The following PCDHGB7 variants were observed in gnomAD, a reference collection of about 807,000 sequenced individuals.
PCDHGB7 encodes the protein protocadherin gamma subfamily B, 7.
In PCDHGB7, 37 loss-of-function variants were observed where a neutral mutation model predicts 61.4. That is an observed-to-expected ratio of 0.60 (90% CI 0.46 to 0.79). PCDHGB7 has a LOEUF of 0.79. Ranked by LOEUF, PCDHGB7 falls within the 30% of genes least tolerant of loss-of-function variation. The probability of loss-of-function intolerance (pLI) is 0.00; values close to 1 mark genes in which losing one functional copy is unlikely to be tolerated. For synonymous variants in PCDHGB7, 464 were observed against 503.5 expected, an observed-to-expected ratio of 0.92 and a Z score of 1.05; for missense variants, 1,166 against 1,202.5, an observed-to-expected ratio of 0.97 and a Z score of 0.45.
chr5:141,498,805 C>T (rs1397026274), intron 2 of PCDHGB7, among the ~76,000 whole-genome samples: 1 of 152,000 alleles, frequency 6.6e-6, no homozygotes, highest in Non-Finnish European at 1.5e-5. Flanking sequence ...TGGTGGTGCA[C>T]ACCTGTAGTC....
intron 1 of PCDHGB7, among the ~76,000 whole-genome samples, chr5:141,454,596 G>C (rs1184158084): frequency 1.3e-5 from 2 of 151,324 alleles, no homozygotes; most frequent in Non-Finnish European, 2.9e-5. Flanking sequence ...AGTAGAGACA[G>C]GGTTTCTCCA....
intron 1 of PCDHGB7, among the ~76,000 whole-genome samples, chr5:141,475,341 C>T (rs1306106224): frequency 6.6e-6 from 1 of 152,162 alleles, no homozygotes; most frequent in Non-Finnish European, 1.5e-5. Context: ...CAATGACATC[C>T]AGTTTTAAAA....
intron 1 of PCDHGB7, among the ~76,000 whole-genome samples, chr5:141,470,664 G>A (rs1308061207): frequency 6.6e-6 from 1 of 151,882 alleles, no homozygotes; most frequent in Non-Finnish European, 1.5e-5. Context: ...CTTTGGTTAG[G>A]GCTCTGCTGT....
At position 141,419,701 on chromosome 5, in the gene PCDHGB7, C is replaced by T. The variant is rs1268060859; in HGVS notation, c.1842C>T (p.Pro614=). Residue 614 remains proline, a synonymous_variant, in exon 1 of 4, where the codon CCC becomes CCT. Transcript: ENST00000398594. ...ACCACGTGGTGCAGGCCAGTGAGCCCGGGCTCTTCAGCCTGGGGCTGCGAA... is the reference window on the plus strand; with the variant it reads ...ACCACGTGGTGCAGGCCAGTGAGCCTGGGCTCTTCAGCCTGGGGCTGCGAA... ...LSYHVVQASE[P]GLFSLGLRTG... 4.3e-6 allele frequency: 7 copies of T among 1,612,860 alleles called. No homozygotes were observed. Among genetic ancestry groups the T allele is most frequent in the Non-Finnish European group, 5.9e-6 (7 of 1,179,506 alleles).
Position 141,491,636 on chromosome 5 carries a change from C to T in PCDHGB7, c.2416-3171C>T. ...AGACCCCTCAGCGTTCAGCAGCCCA[C>T]AGCTCTGGCGCTGGAGCCTGACGCC... On this transcript the variant is annotated intron_variant, in intron 1 of 3. Coordinates refer to ENST00000398594, the MANE Select transcript of PCDHGB7 (RefSeq NM_018927.4). This position sits in a 1 kb window ranked among gnomAD's most constrained non-coding sequence, Gnocchi z 6.9. 6.2e-7 allele frequency: 1 copy of T among 1,613,922 alleles called. No homozygotes were observed. Among genetic ancestry groups the T allele is most frequent in the Non-Finnish European group, 8.5e-7 (1 of 1,180,020 alleles).
rs139156138 is a variant in PCDHGB7 at position 141,472,179 on chromosome 5, T to C, written c.2416-22628T>C. 5.1e-4 allele frequency among the ~76,000 whole-genome samples: 77 copies of C among 152,246 alleles called. 4 individuals are homozygous for C. The East Asian group carries it at 0.014, about 27-fold the overall frequency. On this transcript the variant is annotated intron_variant, in intron 1 of 3. Coordinates refer to ENST00000398594, the MANE Select transcript of PCDHGB7 (RefSeq NM_018927.4). ...TAGCTACTAGGTGTAATATCCAGTATTGGAATTTGAATCTTTTTGACACTA... is the reference window on the plus strand; with the variant it reads ...TAGCTACTAGGTGTAATATCCAGTACTGGAATTTGAATCTTTTTGACACTA...
chr5:141,423,864 G>A (rs180692491), intron 1 of PCDHGB7: 551 of 1,284,224 alleles, frequency 4.3e-4, no homozygotes, highest in Non-Finnish European at 5.0e-4. Context: ...TTTTGTGAAA[G>A]TCATTTTTCA....
rs750200042 is a variant in PCDHGB7, at chr5:141,418,821, C to A, written c.962C>A (p.Ala321Glu). Residue 321 changes from alanine (A) to glutamate (E), a missense_variant, in exon 1 of 4, where the codon GCA becomes GAA. Physicochemically the swap from Ala to Glu is moderately radical, Grantham distance 107 (BLOSUM62 -1). Coordinates refer to ENST00000398594, the MANE Select transcript of PCDHGB7 (RefSeq NM_018927.4). ...GAAAGATATACGATAAACATAGAAG[C>A]AAAAGACCGAGGATCTCTCTCAACA... ...EVERYTINIE[A>E]KDRGSLSTRC... 8.1e-6 allele frequency: 13 copies of A among 1,613,846 alleles called. 1 individual carries two copies. The highest frequency in any genetic ancestry group is 1.6e-4 in the Middle Eastern group (1 of 6,062).
rs748457785 is a variant in PCDHGB7 at position 141,489,197 on chromosome 5, A to G, written c.2416-5610A>G. On this transcript the variant is annotated intron_variant, in intron 1 of 3. Coordinates refer to ENST00000398594, the MANE Select transcript of PCDHGB7 (RefSeq NM_018927.4). This position sits in a 1 kb window ranked among gnomAD's most constrained non-coding sequence, Gnocchi z 4.5. ...TCCAAGCCCTGGGTCTACCTTGGAG[A>G]CAGGACAGCACAGACTTACTCTCCA... 7 of 1,391,050 alleles carry G rather than the reference A, an allele frequency of 5.0e-6. No individual in the cohort carries two copies. Among genetic ancestry groups the G allele is most frequent in the African/African-American group, 2.9e-5 (2 of 69,150 alleles). 86.2% of individuals were successfully genotyped at this position (1,391,050 alleles called of 1,614,324 possible).
Position 141,487,071 on chromosome 5 carries a change from C to A in PCDHGB7, c.2416-7736C>A. On this transcript the variant is annotated intron_variant, in intron 1 of 3. Coordinates refer to ENST00000398594, the MANE Select transcript of PCDHGB7 (RefSeq NM_018927.4). The surrounding 1 kb of genome is among the most constrained non-coding windows in gnomAD (Gnocchi z 5.0). ...GCTGGGGAGGTGCGGACGGCTGTTC[C>A]TATCCCAGCTGACCTCCCACCACAG... is the stretch of plus-strand genomic sequence containing the variant. The A allele has an allele frequency of 6.2e-7, 1 of 1,614,148 alleles. No individual in the cohort carries two copies. Among genetic ancestry groups the A allele is most frequent in the Non-Finnish European group, 8.5e-7 (1 of 1,180,002 alleles).
intron 1 of PCDHGB7, among the ~76,000 whole-genome samples, chr5:141,458,883 C>A (rs1171747288): frequency 6.6e-6 from 1 of 152,136 alleles, no homozygotes; most frequent in East Asian, 1.9e-4. Flanking sequence ...CAGGCATGCA[C>A]ACCATGCGCA....
At chr5:141,441,827 A>G (rs1344314632) in intron 1 of PCDHGB7, 1 of 355,628 alleles carries the variant, frequency 2.8e-6, no homozygotes, top group Non-Finnish European at 5.6e-6. Flanking sequence ...CTGGAGCGCA[A>G]TGGCTTCGCG....
At chr5:141,453,178 A>G (rs939398654) in intron 1 of PCDHGB7, among the ~76,000 whole-genome samples, 1 of 152,128 alleles carries the variant, frequency 6.6e-6, no homozygotes, top group African/African-American at 2.4e-5. Flanking sequence ...CAGTGGTACA[A>G]TCACAGCTCA....
intron 1 of PCDHGB7, among the ~76,000 whole-genome samples, chr5:141,454,796 A>ATTTTTTTTTTTTTTTTTTTTTTTTTTT (rs61612330): frequency 3.9e-5 from 3 of 77,408 alleles, no homozygotes; most frequent in Admixed American, 1.8e-4. Flanking sequence ...CATGGTTCTA[A>ATTTTTTTTTTTTTTTTTTTTTTTTTTT]TTTTTTTTTT....
intron 1 of PCDHGB7, among the ~76,000 whole-genome samples, chr5:141,492,394 G>C (rs2099740158): frequency 6.6e-6 from 1 of 152,220 alleles, no homozygotes; most frequent in African/African-American, 2.4e-5. Context: ...CGGTCCACTC[G>C]CAGCTCCCCT....
chr5:141,479,731 G>C (rs1176632022), intron 1 of PCDHGB7: 1 of 152,216 alleles, frequency 6.6e-6, no homozygotes, highest in East Asian at 1.9e-4. Context: ...TTTTTCTTAA[G>C]TATATGCACA....
rs375162019 is a variant in PCDHGB7 at position 141,420,268 on chromosome 5, T to C, written c.2409T>C (p.Leu803=). Residue 803 remains leucine, a synonymous_variant, in exon 1 of 4, where the codon CTT becomes CTC. Transcript: ENST00000398594. ...TPSVEADKKI[L]KQQAPPNTDW... The stretch of plus-strand genomic sequence containing the variant: ...GCGTTGAAGCAGATAAGAAGATTCT[T>C]AAACAGGTAAGTATTTAAAAATGTA... The C allele has an allele frequency of 1.6e-4, 254 of 1,543,666 alleles. No individual in the cohort carries two copies. Among genetic ancestry groups the C allele is most frequent in the Non-Finnish European group, 2.1e-4 (238 of 1,139,852 alleles).
rs1388608588 is a variant in PCDHGB7 at position 141,481,102 on chromosome 5, A to T, written c.2416-13705A>T. The stretch of plus-strand genomic sequence containing the variant: ...GAAAAAAGAAAAGCAGTACTCTGGA[A>T]CCTACCAATCCATCATTTAGCATAT... On this transcript the variant is annotated intron_variant, in intron 1 of 3. Transcript: ENST00000398594. 3.3e-5 allele frequency among the ~76,000 whole-genome samples: 5 copies of T among 152,288 alleles called. No individual in the cohort carries two copies. The East Asian group carries it at 7.7e-4, about 24-fold the overall frequency.
In PCDHGB7 at chr5:141,511,106, G is replaced by A. The variant is rs536900646; in HGVS notation, c.2723G>A (p.Arg908Gln). 4.6e-5 allele frequency: 75 copies of A among 1,614,196 alleles called. No individual in the cohort carries two copies. In the East Asian group the frequency reaches 5.8e-4, roughly 12 times the overall value. Reference protein sequence around the residue: ...NATLTNAAGKRDGKAPAGGNG... With the variant: ...NATLTNAAGKQDGKAPAGGNG... ...ACACTGACCAACGCAGCTGGCAAGC[G>A]GGATGGCAAGGCCCCAGCAGGTGGC... The change falls in exon 4 of 4, where the codon CGG (arginine) becomes CAG (glutamine). Residue 908 changes from arginine (R) to glutamine (Q), a missense_variant. Coordinates refer to ENST00000398594, the MANE Select transcript of PCDHGB7 (RefSeq NM_018927.4).
Sources: gnomAD v4.1 joint callset for allele counts (sites outside exome capture counted in the v4.1 genomes callset) on GRCh38, gnomAD v4.1.1 for gene constraint, Gnocchi (gnomAD v3.1) non-coding constraint, MANE v1.5 for transcripts, NCBI Gene and HGNC (gene_info 2026-07-23, HGNC 2026-07-21) for gene names.